CHI3L2: variants seen among roughly 807,000 people sequenced by gnomAD.
The protein encoded by CHI3L2 is chitinase-3-like protein 2.
A neutral mutation model predicts 47.3 loss-of-function variants in CHI3L2; 47 were observed. The observed-to-expected ratio is 0.99, with a 90% CI of 0.79 to 1.27. CHI3L2 has a LOEUF of 1.27. Ranked by LOEUF, CHI3L2 falls within the 50% of genes most tolerant of loss-of-function variation. The pLI, the probability that CHI3L2 is intolerant of heterozygous loss-of-function variation, is 0.00. For missense variants in CHI3L2, 497 were observed against 462.1 expected, an observed-to-expected ratio of 1.08 and a Z score of -0.69; for synonymous variants, 198 against 169.9, an observed-to-expected ratio of 1.17 and a Z score of -1.28.
In CHI3L2 at chr1:111,236,071, G is replaced by A. The variant is rs1474243743; in HGVS notation, c.653G>A (p.Trp218Ter). ...CTGTCCTTTGACTTCCATGGGTCTT[G>A]GGAAAAGCCCCTTATCACTGGCCAC... ...NLLSFDFHGSWEKPLITGHNS... is the reference protein window; with the variant it reads ...NLLSFDFHGS Residue 218 changes from tryptophan (W) to a stop codon, truncating the protein, a stop_gained, in exon 7 of 11, where the codon TGG becomes TAG. Coordinates refer to ENST00000369748, the MANE Select transcript of CHI3L2 (RefSeq NM_004000.3). LOFTEE classifies it high-confidence loss of function. The A allele has an allele frequency of 3.1e-6, 5 of 1,614,074 alleles. No individual in the cohort carries two copies. Among genetic ancestry groups the A allele is most frequent in the Non-Finnish European group, 4.2e-6 (5 of 1,180,040 alleles).
At chr1:111,230,705 C>A in intron 2 of CHI3L2, 37 bp from the exon 3 acceptor site, 2 of 1,554,244 alleles carry the variant, frequency 1.3e-6, no homozygotes, top group Non-Finnish European at 1.8e-6. Flanking sequence ...AAGGCAACAG[C>A]CCTAGAGTCT....
In CHI3L2 at chr1:111,241,356, C is replaced by T. The variant is rs558518943; in HGVS notation, c.948C>T (p.Ile316=). Residue 316 remains isoleucine (I), a synonymous_variant, in exon 9 of 11, where the codon ATC becomes ATT. Coordinates refer to ENST00000369748, the MANE Select transcript of CHI3L2 (RefSeq NM_004000.3). ...GCCAGTTCCTGAAAGGAGCCAAGAT[C>T]ACGCGGCTCCAGGATCAGCAGGTTC... ...EICQFLKGAK[I]TRLQDQQVPY... The T allele has an allele frequency of 6.2e-7, 1 of 1,600,130 alleles. No homozygotes were observed. The highest frequency in any genetic ancestry group is 1.1e-5 in the South Asian group (1 of 90,870).
At chr1:111,236,537 T>A (rs1441926963) in intron 7 of CHI3L2, among the ~76,000 whole-genome samples, 1 of 151,992 alleles carries the variant, frequency 6.6e-6, no homozygotes, top group Non-Finnish European at 1.5e-5. Context: ...CCCCATGAGG[T>A]CAGCTGGGTA....
At chr1:111,241,918 T>C (rs1234461705) in intron 9 of CHI3L2, among the ~76,000 whole-genome samples, 3 of 152,210 alleles carry the variant, frequency 2.0e-5, no homozygotes, top group Non-Finnish European at 4.4e-5. Context: ...TTGAGTGTAA[T>C]TGACAATCCT....
At position 111,230,930 on chromosome 1, in the gene CHI3L2, A is replaced by C; in HGVS notation, c.259A>C (p.Ser87Arg). The C allele has an allele frequency of 1.2e-6, 2 of 1,614,002 alleles. No individual in the cohort carries two copies. Among genetic ancestry groups the C allele is most frequent in the Non-Finnish European group, 1.7e-6 (2 of 1,179,856 alleles). The change falls in exon 3 of 11, where the codon AGT becomes CGT. Residue 87 changes from serine to arginine, a missense_variant. Physicochemically the swap from Ser to Arg is moderately radical, Grantham distance 110. Transcript: ENST00000369748. ...AGTGATGCTCTACCAGACCATCAACAGTCTCAAAACCAAGTGAGTAAGATG... is the reference window on the plus strand; with the variant it reads ...AGTGATGCTCTACCAGACCATCAACCGTCTCAAAACCAAGTGAGTAAGATG... ...SEVMLYQTIN[S>R]LKTKNPKLKI... is the part of the protein sequence containing the mutation.
At chr1:111,233,484 C>A (rs1659785483) in intron 4 of CHI3L2, among the ~76,000 whole-genome samples, 1 of 152,170 alleles carries the variant, frequency 6.6e-6, no homozygotes, top group African/African-American at 2.4e-5. Context: ...GTTCTCCTGA[C>A]CCTAAGCCCA....
Position 111,238,776 on chromosome 1 carries a change from T to A in CHI3L2, c.762T>A (p.His254Gln), listed in dbSNP as rs1409206307. The change falls in exon 8 of 11, where the codon CAT (histidine) becomes CAA (glutamine). Residue 254 changes from histidine to glutamine, a missense_variant. His to Gln is a conservative substitution (Grantham distance 24, BLOSUM62 0). Transcript: ENST00000369748. ...NVEYAVGYWI[H>Q]KGMPSEKVVM... ...AATATGCTGTGGGGTACTGGATACA[T>A]AAGGGAATGCCATCAGAGAAGGTGG... 2 of 1,613,970 alleles carry A rather than the reference T, an allele frequency of 1.2e-6. No individual in the cohort carries two copies. The highest frequency in any genetic ancestry group is 3.3e-5 in the Admixed American group (2 of 59,984).
At chr1:111,235,450 G>T (rs575097043) in intron 5 of CHI3L2, among the ~76,000 whole-genome samples, 189 bp from the exon 6 acceptor site, 131 of 152,324 alleles carry the variant, frequency 8.6e-4, no homozygotes, top group African/African-American at 3.1e-3. Context: ...TGAGGCTGGG[G>T]TTCTCCTGCC....
chr1:111,229,739 T>G lies in CHI3L2; in HGVS notation c.41-113T>G, dbSNP rs987839867. 5.6e-6 allele frequency: 8 copies of G among 1,419,728 alleles called. No individual in the cohort carries two copies. The African/African-American group carries it at 9.4e-5, about 17-fold the overall frequency. The allele number at this position is 1,419,728 out of a possible 1,614,324, so 87.9% of individuals were successfully genotyped here. On this transcript the variant is annotated intron_variant, in intron 1 of 10. Transcript: ENST00000369748. Reference sequence around the variant, plus strand: ...AGCAGCTGTGGCTGGGGAGCCCAGATGAAGTGTGGCTCTATCTTGTATGTG... The same window carrying G: ...AGCAGCTGTGGCTGGGGAGCCCAGAGGAAGTGTGGCTCTATCTTGTATGTG...
intron 1 of CHI3L2, among the ~76,000 whole-genome samples, chr1:111,229,082 C>T (rs1659613459): frequency 6.6e-6 from 1 of 152,162 alleles, no homozygotes; most frequent in Non-Finnish European, 1.5e-5. Context: ...TTCAAGCTAT[C>T]GTCCTAGGGA....
rs911868798 is a variant in CHI3L2, at chr1:111,231,654, C to T, written c.329+360C>T. On this transcript the variant is annotated intron_variant, in intron 4 of 10. Transcript: ENST00000369748. ...TTTTAAAAATCACTTGAGGGTTTGA[C>T]TTTGTGCCCCGGGGTGGGTTGGATG... Among the ~76,000 whole-genome samples, 3 of 152,316 alleles carry T rather than the reference C, an allele frequency of 2.0e-5. No homozygotes were observed. In the South Asian group the frequency reaches 6.2e-4, roughly 32 times the overall value.
intron 10 of CHI3L2, 158 bp downstream of exon 10, chr1:111,242,524 T>C: frequency 1.6e-6 from 1 of 607,184 alleles, no homozygotes; most frequent in Non-Finnish European, 2.6e-6. Context: ...GGTTCTGCCC[T>C]TTTCATAGGC....
intron 9 of CHI3L2, among the ~76,000 whole-genome samples, chr1:111,241,800 C>T (rs1660066742): frequency 6.6e-6 from 1 of 152,098 alleles, no homozygotes; most frequent in African/African-American, 2.4e-5. Context: ...ACTGTTCAGT[C>T]CTTCTCATGG....
Position 111,241,454 on chromosome 1 carries a change from C to A in CHI3L2, c.1035+11C>A, listed in dbSNP as rs778101919. 13 of 1,346,382 alleles carry A rather than the reference C, an allele frequency of 9.7e-6. 1 individual carries two copies. The Middle Eastern group carries it at 5.4e-4, about 56-fold the overall frequency. 83.4% of individuals were successfully genotyped at this position (1,346,382 alleles called of 1,614,324 possible). The stretch of plus-strand genomic sequence containing the variant: ...AGTATGGAGACCAAGGTAGGTGGGC[C>A]ACAGGCAGATACTCCTTTAGGTGGG... On this transcript the variant is annotated intron_variant, in intron 9 of 10. Transcript: ENST00000369748.
chr1:111,234,434 A>T (rs1351031061), intron 4 of CHI3L2, among the ~76,000 whole-genome samples: 1 of 152,200 alleles, frequency 6.6e-6, no homozygotes, highest in Non-Finnish European at 1.5e-5. Flanking sequence ...CTGATTCAAC[A>T]GGATTCCTGC....
In CHI3L2 at chr1:111,230,756, C is replaced by G. The variant is rs201850044; in HGVS notation, c.85C>G (p.Leu29Val). 100 of 1,614,144 alleles carry G rather than the reference C, an allele frequency of 6.2e-5. No homozygotes were observed. The highest frequency in any genetic ancestry group is 8.1e-5 in the Non-Finnish European group (96 of 1,180,004). Residue 29 changes from leucine (L) to valine (V), a missense_variant, in exon 3 of 11, where the codon CTG becomes GTG. By Grantham distance (32) the Leu-to-Val change is conservative. Coordinates refer to ENST00000369748, the MANE Select transcript of CHI3L2 (RefSeq NM_004000.3). ...LLLQGGSAYK[L>V]VCYFTNWSQD... Reference sequence around the variant, plus strand: ...CTCTACTCCAGGATCTGCCTACAAACTGGTTTGCTACTTTACCAACTGGTC... The same window carrying G: ...CTCTACTCCAGGATCTGCCTACAAAGTGGTTTGCTACTTTACCAACTGGTC...
At chr1:111,228,462 A>T (rs1216790076) in intron 1 of CHI3L2, among the ~76,000 whole-genome samples, 1 of 152,250 alleles carries the variant, frequency 6.6e-6, no homozygotes, top group East Asian at 1.9e-4. Context: ...TGTTGAACTT[A>T]GCTGAGCCCT....
chr1:111,242,568 T>C lies in CHI3L2; in HGVS notation c.*2+202T>C, dbSNP rs535703934. 7.3e-6 allele frequency: 3 copies of C among 412,262 alleles called. No homozygotes were observed. The Admixed American group carries it at 1.2e-4, about 16-fold the overall frequency. The allele number at this position is 412,262 out of a possible 1,614,324, so 25.5% of individuals were successfully genotyped here. ...GACTTTTAAAGTAATAATAATAATATTGATAAATTTTGGCTACCATTTATT... is the reference window on the plus strand; with the variant it reads ...GACTTTTAAAGTAATAATAATAATACTGATAAATTTTGGCTACCATTTATT... On this transcript the variant is annotated intron_variant, in intron 10 of 10. Transcript: ENST00000369748.
At chr1:111,230,640 T>G in intron 2 of CHI3L2, 102 bp from the exon 3 acceptor site, 3 of 947,588 alleles carry the variant, frequency 3.2e-6, no homozygotes, top group Non-Finnish European at 4.9e-6. Flanking sequence ...TCTGGCAGAA[T>G]GAGCAAATGA....
Sources: allele counts gnomAD v4.1 joint callset (sites outside exome capture counted in the v4.1 genomes callset), GRCh38; gene constraint gnomAD v4.1.1; transcripts MANE v1.5; gene names NCBI Gene and HGNC (gene_info 2026-07-23, HGNC 2026-07-21).